The following DOCK4 variants were observed in gnomAD, a reference collection of about 807,000 sequenced individuals.
The protein encoded by DOCK4 is dedicator of cytokinesis protein 4.
DOCK4 carries 97 observed loss-of-function variants against 268.1 expected under a neutral mutation model. That is an observed-to-expected ratio of 0.36 (90% confidence interval 0.31 to 0.43). DOCK4 has a LOEUF of 0.43. Ranked by LOEUF, DOCK4 falls within the 20% of genes least tolerant of loss-of-function variation. The pLI, the probability that DOCK4 is intolerant of heterozygous loss-of-function variation, is 1.00. For missense variants in DOCK4, 2,145 were observed against 2,455.7 expected (o/e 0.87, Z 2.67); for synonymous variants, 954 against 887.2 (o/e 1.08, Z -1.34).
At chr7:112,194,907 A>T (rs1820281063) in intron 1 of DOCK4, among the ~76,000 whole-genome samples, 3 of 152,224 alleles carry the variant, frequency 2.0e-5, no homozygotes, top group African/African-American at 7.2e-5. Flanking sequence ...TAGTCTTCTG[A>T]ATCAATTTCT....
At chr7:111,862,230 C>A (rs1288973011) in intron 23 of DOCK4, among the ~76,000 whole-genome samples, 1 of 151,794 alleles carries the variant, frequency 6.6e-6, no homozygotes, top group Admixed American at 6.6e-5. Context: ...ACCTGGGAGG[C>A]AGAAGTTGCA....
Position 111,784,200 on chromosome 7 carries a change from T to C in DOCK4, c.3402-77A>G, listed in dbSNP as rs921296978. Reference sequence around the variant, plus strand: ...ATAAAATACAAACACATGCATATAATCATATTTTCAAAATATACAAGCATC... The same window carrying C: ...ATAAAATACAAACACATGCATATAACCATATTTTCAAAATATACAAGCATC... On this transcript the variant is annotated intron_variant, in intron 32 of 52. Coordinates refer to ENST00000428084, the MANE Select transcript of DOCK4 (RefSeq NM_001363540.2). 3 of 1,441,646 alleles carry C rather than the reference T, an allele frequency of 2.1e-6. No individual in the cohort carries two copies. The South Asian group carries it at 3.6e-5, about 18-fold the overall frequency. 89.3% of individuals were successfully genotyped at this position (1,441,646 alleles called of 1,614,324 possible). A position where few individuals can be genotyped will look rare whatever the true frequency, so the allele number is the denominator to read the frequency against.
intron 26 of DOCK4, among the ~76,000 whole-genome samples, chr7:111,833,075 A>G (rs1003039854): frequency 2.0e-5 from 3 of 152,252 alleles, no homozygotes; most frequent in Admixed American, 6.5e-5. Flanking sequence ...ATTTTCAAAT[A>G]TGAAGTCATA....
intron 1 of DOCK4, among the ~76,000 whole-genome samples, chr7:112,028,824 T>G (rs773147643): frequency 2.6e-5 from 4 of 152,188 alleles, no homozygotes; most frequent in Non-Finnish European, 5.9e-5. Context: ...CATTTCTCTC[T>G]CAGCGTTAGA....
chr7:111,786,502 T>C (rs1799178050), intron 32 of DOCK4, among the ~76,000 whole-genome samples: 1 of 152,220 alleles, frequency 6.6e-6, no homozygotes, highest in East Asian at 1.9e-4. Flanking sequence ...AAAGATGTAG[T>C]ATGCATTAAT....
At chr7:111,930,632 G>A (rs1373443758) in intron 12 of DOCK4, among the ~76,000 whole-genome samples, 1 of 152,220 alleles carries the variant, frequency 6.6e-6, no homozygotes, top group Non-Finnish European at 1.5e-5. Flanking sequence ...AGAGAAAACA[G>A]CGGAAGTCAA....
chr7:111,826,599 A>G (rs1309844185), intron 26 of DOCK4, among the ~76,000 whole-genome samples: 2 of 152,202 alleles, frequency 1.3e-5, no homozygotes, highest in African/African-American at 4.8e-5. Flanking sequence ...AGATGCAGCT[A>G]GAGGCCATTA....
chr7:111,744,610 C>T (rs1296549105), intron 44 of DOCK4, among the ~76,000 whole-genome samples: 2 of 152,204 alleles, frequency 1.3e-5, no homozygotes, highest in African/African-American at 4.8e-5. Flanking sequence ...ATAATTCAGT[C>T]AGGCTGAATC....
intron 12 of DOCK4, among the ~76,000 whole-genome samples, chr7:111,929,137 CAT>C (rs1358409276): frequency 2.6e-5 from 4 of 151,810 alleles, no homozygotes; most frequent in Non-Finnish European, 5.9e-5. Flanking sequence ...TATATATGTA[CAT>C]ATGTGTGTAT....
intron 12 of DOCK4, among the ~76,000 whole-genome samples, chr7:111,926,024 G>A (rs1259331179): frequency 6.7e-6 from 1 of 149,360 alleles, no homozygotes; most frequent in East Asian, 1.9e-4. Flanking sequence ...GAACCCGGGA[G>A]GCGGAGGTTG....
intron 1 of DOCK4, among the ~76,000 whole-genome samples, chr7:112,040,155 T>A (rs77282171): frequency 0.011 from 1,631 of 152,224 alleles, 33 homozygotes; most frequent in African/African-American, 0.037. Flanking sequence ...AAAAAGCAAT[T>A]GAATGGAAAT....
chr7:111,774,223 C>T (rs984859507), intron 36 of DOCK4, among the ~76,000 whole-genome samples: 5 of 152,056 alleles, frequency 3.3e-5, no homozygotes, highest in Middle Eastern at 3.4e-3. Context: ...CCAGCACTTT[C>T]GGAGGCTGAG....
intron 39 of DOCK4, among the ~76,000 whole-genome samples, chr7:111,762,179 ACT>A (rs1329128983): frequency 1.3e-5 from 2 of 151,878 alleles, no homozygotes; most frequent in East Asian, 1.9e-4. Flanking sequence ...CCTTATCAGT[ACT>A]CTTTTTTTTT....
At chr7:111,979,040 G>A (rs1304062792) in intron 7 of DOCK4, among the ~76,000 whole-genome samples, 4 of 152,194 alleles carry the variant, frequency 2.6e-5, no homozygotes, top group Non-Finnish European at 4.4e-5. Flanking sequence ...CAGAGCCATA[G>A]CCTGTGTTGA....
chr7:111,911,959 T>C (rs2134497191), intron 13 of DOCK4, among the ~76,000 whole-genome samples: 1 of 152,280 alleles, frequency 6.6e-6, no homozygotes, highest in Admixed American at 6.5e-5. Context: ...TGCCACCAAG[T>C]AAACAGTTCT....
chr7:111,877,959 A>C (rs189784278), intron 16 of DOCK4, among the ~76,000 whole-genome samples: 2 of 152,204 alleles, frequency 1.3e-5, no homozygotes, highest in Admixed American at 1.3e-4. Context: ...CATTACACCA[A>C]TGCAGGGCAA....
At chr7:111,826,938 T>C (rs1284841959) in intron 26 of DOCK4, among the ~76,000 whole-genome samples, 1 of 152,114 alleles carries the variant, frequency 6.6e-6, no homozygotes, top group African/African-American at 2.4e-5. Flanking sequence ...AAATTAGGCT[T>C]GTGAAACAGA....
chr7:111,936,481 T>TATGAATGAATGG lies in DOCK4; in HGVS notation c.978-854_978-853insCCATTCATTCAT, dbSNP rs201902114. On this transcript the variant is annotated intron_variant, in intron 11 of 52. Coordinates refer to ENST00000428084, the MANE Select transcript of DOCK4 (RefSeq NM_001363540.2). Reference sequence around the variant, plus strand: ...GTGGATGCTTAAAAACTGTCAGTGGTATGAATGGATGGATGGATGGATGGA... The same window carrying TATGAATGAATGG: ...GTGGATGCTTAAAAACTGTCAGTGGTATGAATGAATGGATGAATGGATGGATGGATGGATGGA... 2.4e-3 allele frequency among the ~76,000 whole-genome samples: 347 copies of TATGAATGAATGG among 145,654 alleles called. 1 individual carries two copies. Among genetic ancestry groups the TATGAATGAATGG allele is most frequent in the African/African-American group, 9.0e-3 (336 of 37,188 alleles).
intron 1 of DOCK4, among the ~76,000 whole-genome samples, chr7:112,178,855 A>G (rs1448551785): frequency 6.6e-6 from 1 of 152,196 alleles, no homozygotes; most frequent in Non-Finnish European, 1.5e-5. Flanking sequence ...TGTGCACATG[A>G]TGGAGGCTGC....
Sources: allele counts gnomAD v4.1 joint callset (sites outside exome capture counted in the v4.1 genomes callset), GRCh38; gene constraint gnomAD v4.1.1; transcripts MANE v1.5; gene names NCBI Gene and HGNC (gene_info 2026-07-23, HGNC 2026-07-21).